FAM81B: variants seen among roughly 807,000 people sequenced by gnomAD.
The protein encoded by FAM81B is protein FAM81B.
FAM81B carries 60 observed loss-of-function variants against 58.7 expected under a neutral mutation model. That is an observed-to-expected ratio of 1.02 (90% CI 0.83 to 1.27). The LOEUF (loss-of-function observed/expected upper bound fraction) is 1.27. Among genes scored for constraint, FAM81B ranks in the 50% most tolerant of loss-of-function variants. FAM81B has a pLI of 0.00. For synonymous variants in FAM81B, 189 were observed against 179.6 expected (o/e 1.05, Z -0.42); for missense variants, 491 against 522.0 (o/e 0.94, Z 0.58).
chr5:95,425,752 A>C (rs1201958687), intron 5 of FAM81B, among the ~76,000 whole-genome samples: 1 of 152,184 alleles, frequency 6.6e-6, no homozygotes, highest in Non-Finnish European at 1.5e-5. Context: ...TAACATTTTA[A>C]AATTAGCAAA....
intron 3 of FAM81B, among the ~76,000 whole-genome samples, chr5:95,407,893 G>A (rs760655850): frequency 6.6e-6 from 1 of 152,084 alleles, no homozygotes; most frequent in Non-Finnish European, 1.5e-5. Context: ...AAAACTCAGC[G>A]GCATAAAACA....
chr5:95,424,574 C>A (rs760531608), intron 5 of FAM81B, among the ~76,000 whole-genome samples: 2 of 151,972 alleles, frequency 1.3e-5, no homozygotes, highest in Non-Finnish European at 2.9e-5. Context: ...ACCAGGGATA[C>A]CAGCATAGAA....
chr5:95,448,717 T>C, intron 9 of FAM81B: 1 of 481,286 alleles, frequency 2.1e-6, no homozygotes, highest in Non-Finnish European at 3.9e-6. Flanking sequence ...TTTTTTTTAC[T>C]AAGATCATGG....
intron 3 of FAM81B, among the ~76,000 whole-genome samples, chr5:95,401,142 C>T (rs549069534): frequency 2.6e-5 from 4 of 152,246 alleles, no homozygotes; most frequent in South Asian, 2.1e-4. Context: ...GAAAACCAAT[C>T]GTACCAGGCA....
At chr5:95,418,987 T>G (rs1346673512) in intron 4 of FAM81B, among the ~76,000 whole-genome samples, 2 of 152,182 alleles carry the variant, frequency 1.3e-5, no homozygotes, top group Non-Finnish European at 2.9e-5. Flanking sequence ...AAGGTCTTCA[T>G]GACATTACAG....
chr5:95,405,845 A>C (rs1205020531), intron 3 of FAM81B, among the ~76,000 whole-genome samples: 1 of 152,210 alleles, frequency 6.6e-6, no homozygotes, highest in East Asian at 1.9e-4. Flanking sequence ...CCCAGGAAGA[A>C]GCAGGTTTAG....
At chr5:95,432,535 G>C (rs1321737395) in intron 6 of FAM81B, among the ~76,000 whole-genome samples, 2 of 151,888 alleles carry the variant, frequency 1.3e-5, no homozygotes, top group African/African-American at 2.4e-5. Flanking sequence ...CCCTTTGATA[G>C]CTTTCATTTT....
At chr5:95,436,704 T>C (rs1444355856) in intron 6 of FAM81B, 96 bp from the exon 7 acceptor site, 4 of 817,458 alleles carry the variant, frequency 4.9e-6, no homozygotes, top group Non-Finnish European at 8.4e-6. Context: ...ATAAAGTATA[T>C]TAATCTGTTT....
At chr5:95,405,116 A>G (rs1307065117) in intron 3 of FAM81B, among the ~76,000 whole-genome samples, 3 of 152,228 alleles carry the variant, frequency 2.0e-5, no homozygotes, top group Non-Finnish European at 4.4e-5. Context: ...GGATCAAGAA[A>G]GGAAGAAAGA....
Position 95,448,476 on chromosome 5 carries a change from C to T in FAM81B, c.1225+12C>T, listed in dbSNP as rs1259531201. 2 of 1,584,338 alleles carry T rather than the reference C, an allele frequency of 1.3e-6. No homozygotes were observed. The highest frequency in any genetic ancestry group is 1.7e-4 in the Middle Eastern group (1 of 5,894). ...TGAATATCAATCAGGTGAGCAGATA[C>T]CTTTTATTAAGTAAAGAATATCTGT... On this transcript the variant is annotated intron_variant, in intron 9 of 9. Transcript: ENST00000283357.
At chr5:95,427,097 A>G (rs958956175) in intron 5 of FAM81B, among the ~76,000 whole-genome samples, 6 of 152,212 alleles carry the variant, frequency 3.9e-5, no homozygotes, top group African/African-American at 1.4e-4. Context: ...AGGAAGTAGC[A>G]GAAGCATGGT....
At chr5:95,401,453 A>G (rs1407559055) in intron 3 of FAM81B, among the ~76,000 whole-genome samples, 1 of 152,126 alleles carries the variant, frequency 6.6e-6, no homozygotes, top group Non-Finnish European at 1.5e-5. Context: ...AGCTACAAAC[A>G]TCCACTTGCC....
chr5:95,423,546 G>GT (rs1762742253), intron 5 of FAM81B, among the ~76,000 whole-genome samples: 1 of 73,988 alleles, frequency 1.4e-5, no homozygotes, highest in Non-Finnish European at 2.7e-5. Flanking sequence ...CTGCATGTGG[G>GT]TAAAAAAAAA....
At chr5:95,424,150 C>T in intron 5 of FAM81B, 2 of 1,289,812 alleles carry the variant, frequency 1.6e-6, no homozygotes, top group Non-Finnish European at 2.0e-6. Flanking sequence ...ATAGAGGATG[C>T]TATCTACCAG....
chr5:95,433,604 G>T (rs187131055), intron 6 of FAM81B, among the ~76,000 whole-genome samples: 127 of 152,208 alleles, frequency 8.3e-4, no homozygotes, highest in Middle Eastern at 3.4e-3. Context: ...TTTAATATAT[G>T]TAAGTTTTAG....
chr5:95,394,744 C>A (rs893810827), intron 2 of FAM81B, among the ~76,000 whole-genome samples: 1 of 152,270 alleles, frequency 6.6e-6, no homozygotes, highest in East Asian at 1.9e-4. Flanking sequence ...TCGTGAGCAG[C>A]CTCGAGCCTT....
Position 95,401,873 on chromosome 5 carries a change from T to TA in FAM81B, c.293+5699dup, listed in dbSNP as rs567527897. ...ACAGCTGGTGTAAGTCACACCGAAT[T>TA]ACAGAAAAATAGAACTCAGAGTTTG... On this transcript the variant is annotated intron_variant, in intron 3 of 9. Transcript: ENST00000283357. Among the ~76,000 whole-genome samples the TA allele has an allele frequency of 2.6e-5, 4 of 152,240 alleles. 1 individual carries two copies. The South Asian group carries it at 8.3e-4, about 32-fold the overall frequency.
chr5:95,392,813 T>C lies in FAM81B; in HGVS notation c.144T>C (p.Ser48=), dbSNP rs760318718. Residue 48 remains serine, a synonymous_variant, in exon 2 of 10, where the codon AGT becomes AGC. Coordinates refer to ENST00000283357, the MANE Select transcript of FAM81B (RefSeq NM_152548.3). ...ACCTAGATACAAATGTAAACAAAAG[T>C]GCCTCTCCAACTGCGACTGCAGAGG... is the stretch of plus-strand genomic sequence containing the variant. ...IMSSDTNVNK[S]ASPTATAEEQ... The C allele has an allele frequency of 3.1e-6, 5 of 1,610,810 alleles. No homozygotes were observed. Among genetic ancestry groups the C allele is most frequent in the Non-Finnish European group, 4.2e-6 (5 of 1,178,474 alleles).
chr5:95,391,737 A>G (rs1761824452), intron 1 of FAM81B, among the ~76,000 whole-genome samples: 1 of 152,248 alleles, frequency 6.6e-6, no homozygotes, highest in Non-Finnish European at 1.5e-5. Flanking sequence ...TTATGCAGCC[A>G]AAACATACGA....
Sources: gnomAD v4.1 joint callset for allele counts (sites outside exome capture counted in the v4.1 genomes callset) on GRCh38, gnomAD v4.1.1 for gene constraint, MANE v1.5 for transcripts, NCBI Gene and HGNC (gene_info 2026-07-23, HGNC 2026-07-21) for gene names.